SDSL: variants seen among roughly 807,000 people sequenced by gnomAD.
The protein encoded by SDSL is serine dehydratase-like.
Under a neutral mutation model 27.6 loss-of-function variants are expected in SDSL, and 26 were observed. That is an observed-to-expected ratio of 0.94 (90% CI 0.69 to 1.31). The LOEUF (loss-of-function observed/expected upper bound fraction) is 1.31, where lower values mean the gene tolerates loss of function less well. SDSL is among the 50% of genes most tolerant of loss of function. The pLI, the probability that SDSL is intolerant of heterozygous loss-of-function variation, is 0.00. For missense variants in SDSL, 431 were observed against 423.5 expected (o/e 1.02, Z -0.16); for synonymous variants, 196 against 180.6 (o/e 1.09, Z -0.69).
rs111467994 is a variant in SDSL, at chr12:113,435,632, C to T, written c.671+76C>T. The T allele has an allele frequency of 1.6e-4, 205 of 1,251,658 alleles. No homozygotes were observed. The African/African-American group carries it at 2.5e-3, about 15-fold the overall frequency. 77.5% of individuals were successfully genotyped at this position (1,251,658 alleles called of 1,614,324 possible). ...TGTCCTAGGGCCTTCCAGTCCCAGC[C>T]GGTGGAGACGGGGGCACCCAAAAGG... On this transcript the variant is annotated intron_variant, in intron 6 of 7. Transcript: ENST00000403593.
Position 113,422,520 on chromosome 12 carries a change from G to A in SDSL, c.-22+43G>A, listed in dbSNP as rs1401916548. On this transcript the variant is annotated intron_variant, in intron 1 of 7. Coordinates refer to ENST00000403593, the MANE Select transcript of SDSL (RefSeq NM_001304993.2). ...AGCTGGGGCCCCTGGGGCTCAGTGT[G>A]TGTGTGAATGAGAGGCTGATGAGAG... 3.3e-5 allele frequency: 5 copies of A among 152,874 alleles called. No individual in the cohort carries two copies. The Admixed American group carries it at 3.3e-4, about 10-fold the overall frequency. 9.5% of individuals were successfully genotyped at this position (152,874 alleles called of 1,614,324 possible).
At chr12:113,426,135 A>C in intron 1 of SDSL, 1 of 452,934 alleles carries the variant, frequency 2.2e-6, no homozygotes, top group Non-Finnish European at 4.4e-6. Context: ...CTCCGCCCTC[A>C]CCCCCTACCC....
intron 1 of SDSL, chr12:113,427,006 A>T (rs749615199): frequency 6.6e-6 from 1 of 152,250 alleles, no homozygotes; most frequent in Non-Finnish European, 1.5e-5. Flanking sequence ...ATATAAAAGA[A>T]TAATAGTAAT....
chr12:113,425,982 CT>C, intron 1 of SDSL, among the ~76,000 whole-genome samples: 1 of 152,046 alleles, frequency 6.6e-6, no homozygotes, highest in Non-Finnish European at 1.5e-5. Context: ...GCGAGACTCC[CT>C]TTCAAAACAC....
intron 6 of SDSL, 30 bp downstream of exon 6, chr12:113,435,586 G>A (rs757690315): frequency 3.2e-6 from 5 of 1,577,320 alleles, no homozygotes; most frequent in Non-Finnish European, 4.3e-6. Context: ...ATTTGTAGGG[G>A]CTGGAGGGTG....
chr12:113,431,553 T>A (rs1957921095), intron 4 of SDSL, among the ~76,000 whole-genome samples: 1 of 151,984 alleles, frequency 6.6e-6, no homozygotes, highest in Non-Finnish European at 1.5e-5. Context: ...GTCCAAGTAG[T>A]GAACATAGTA....
intron 7 of SDSL, 71 bp from the exon 8 acceptor site, chr12:113,437,815 C>G: frequency 7.2e-7 from 1 of 1,394,032 alleles, no homozygotes; most frequent in Non-Finnish European, 9.7e-7. Flanking sequence ...ATCTGCCGTG[C>G]CCAGGGCCTG....
intron 1 of SDSL, among the ~76,000 whole-genome samples, chr12:113,424,545 A>G (rs1957826424): frequency 6.6e-6 from 1 of 152,202 alleles, no homozygotes; most frequent in South Asian, 2.1e-4. Flanking sequence ...TCTTGTCCAC[A>G]GTGGTATCCC....
At chr12:113,426,811 T>C (rs34932114) in intron 1 of SDSL, among the ~76,000 whole-genome samples, 15,815 of 151,968 alleles carry the variant, frequency 0.1, 1,493 homozygotes, top group African/African-American at 0.25. Flanking sequence ...TGGTGATGTG[T>C]GCCTGTAGTC....
intron 5 of SDSL, among the ~76,000 whole-genome samples, chr12:113,435,063 T>C (rs7963447): frequency 0.97 from 147,704 of 152,294 alleles, 71,691 homozygotes; most frequent in East Asian, 1. Context: ...TGTAGTGAAC[T>C]GAGATCGTGC....
chr12:113,430,668 C>A (rs1480724961), intron 4 of SDSL, among the ~76,000 whole-genome samples: 1 of 152,170 alleles, frequency 6.6e-6, no homozygotes, highest in East Asian at 1.9e-4. Flanking sequence ...TTGGCCAGAG[C>A]AAGTCACACA....
chr12:113,430,125 TCCATCCATCCATCCAC>T (rs1352363041), intron 4 of SDSL, among the ~76,000 whole-genome samples: 5 of 148,126 alleles, frequency 3.4e-5, no homozygotes, highest in African/African-American at 7.8e-5. Context: ...TTTCCATCCA[TCCATCCATCCATCCAC>T]CCATCCATCC....
intron 1 of SDSL, chr12:113,425,618 A>C (rs1193321639): frequency 2.2e-6 from 1 of 448,368 alleles, no homozygotes; most frequent in Admixed American, 2.4e-5. Flanking sequence ...TTTCTCTACT[A>C]TTTTTCCTCC....
intron 1 of SDSL, 33 bp from the exon 2 acceptor site, chr12:113,427,929 C>A: frequency 6.4e-7 from 1 of 1,559,236 alleles, no homozygotes; most frequent in Non-Finnish European, 8.7e-7. Flanking sequence ...TTGATGGGGA[C>A]TGCCTGGGTG....
At chr12:113,435,280 G>C (rs1267668203) in intron 5 of SDSL, 49 bp from the exon 6 acceptor site, 15 of 1,345,464 alleles carry the variant, frequency 1.1e-5, no homozygotes, top group Non-Finnish European at 1.4e-5. Context: ...AGCCATCTGG[G>C]CTGGGGTCCT....
In SDSL at chr12:113,429,315, A is replaced by G. The variant is rs759777878; in HGVS notation, c.354+16A>G. ...GACTGGAAAGGTAAGGGCTCTGGGA[A>G]GGGGAGAACCATCTGGGTGGGCTGC... On this transcript the variant is annotated intron_variant, in intron 4 of 7. Transcript: ENST00000403593. The G allele has an allele frequency of 6.3e-7, 1 of 1,596,658 alleles. No individual in the cohort carries two copies. The highest frequency in any genetic ancestry group is 1.7e-5 in the Admixed American group (1 of 59,564).
Position 113,428,054 on chromosome 12 carries a change from G to A in SDSL, c.72G>A (p.Trp24Ter), listed in dbSNP as rs1957871050. Residue 24 changes from tryptophan (W) to a stop codon, truncating the protein, a stop_gained, in exon 2 of 8, where the codon TGG (tryptophan) becomes TGA (stop). Transcript: ENST00000403593. LOFTEE classifies it high-confidence loss of function. ...FHVVTPLLESWALSQVAGMPV... is the reference protein window; with the variant it reads ...FHVVTPLLES ...TGGTCACACCTCTGTTGGAGAGCTG[G>A]GCGCTGTCCCAGGTGGCGGGCATGC... 1 of 1,614,018 alleles carries A rather than the reference G, an allele frequency of 6.2e-7. No individual in the cohort carries two copies. Among genetic ancestry groups the A allele is most frequent in the South Asian group, 1.1e-5 (1 of 91,034 alleles).
At chr12:113,436,975 G>A (rs1958004628) in intron 7 of SDSL, 100 bp downstream of exon 7, 4 of 1,246,110 alleles carry the variant, frequency 3.2e-6, no homozygotes, top group Non-Finnish European at 4.2e-6. Context: ...TCAGCACCAG[G>A]CACTGGCTAG....
chr12:113,437,712 G>A (rs545529115), intron 7 of SDSL, among the ~76,000 whole-genome samples, 174 bp from the exon 8 acceptor site: 2 of 152,316 alleles, frequency 1.3e-5, no homozygotes, highest in South Asian at 2.1e-4. Flanking sequence ...AAGGATAGGA[G>A]GCCAGGCTGA....
Sources: allele counts gnomAD v4.1 joint callset (sites outside exome capture counted in the v4.1 genomes callset), GRCh38; gene constraint gnomAD v4.1.1; transcripts MANE v1.5; gene names NCBI Gene and HGNC (gene_info 2026-07-23, HGNC 2026-07-21).